Variants in GALNT13 observed in about 807,000 individuals in gnomAD.
GALNT13 encodes the protein UDP-GalNAc:polypeptide N-acetylgalactosaminyltransferase 13.
In GALNT13, 28 loss-of-function variants were observed where a neutral mutation model predicts 64.2. The observed-to-expected ratio is 0.44, with a 90% CI of 0.32 to 0.60. The LOEUF is 0.60. Ranked by LOEUF, GALNT13 falls within the 20% of genes least tolerant of loss-of-function variation. The pLI is 0.05. For synonymous variants in GALNT13, 214 were observed against 224.6 expected (o/e 0.95, Z 0.42); for missense variants, 577 against 669.8 (o/e 0.86, Z 1.53).
chr2:153,630,290 C>T, the GALNT13 span, among the ~76,000 whole-genome samples: 1 of 151,934 alleles, frequency 6.6e-6, no homozygotes, highest in Non-Finnish European at 1.5e-5. Flanking sequence ...AAATGTGGCA[C>T]ATATACACCA....
chr2:153,138,333 A>G, the GALNT13 span, among the ~76,000 whole-genome samples: 1 of 152,098 alleles, frequency 6.6e-6, no homozygotes, highest in African/African-American at 2.4e-5. Flanking sequence ...TTCACTTTAT[A>G]CCTCCGAGTT....
intron 4 of GALNT13, among the ~76,000 whole-genome samples, chr2:154,208,648 G>GTT (rs1478140368): frequency 4.5e-4 from 64 of 142,082 alleles, no homozygotes; most frequent in African/African-American, 1.5e-3. Context: ...GTGTGTGTGT[G>GTT]TGTGTGTGTG....
the GALNT13 span, among the ~76,000 whole-genome samples, chr2:153,717,897 G>A: frequency 9.7e-4 from 148 of 152,028 alleles, no homozygotes; most frequent in African/African-American, 3.3e-3. Flanking sequence ...AATTATTTAC[G>A]CTAAATTTAC....
chr2:154,090,400 A>T (rs1014765803), intron 3 of GALNT13, among the ~76,000 whole-genome samples: 3 of 152,066 alleles, frequency 2.0e-5, no homozygotes, highest in Non-Finnish European at 4.4e-5. Flanking sequence ...ATAGATTTTA[A>T]ACATTGTTCT....
At chr2:153,590,730 T>A in the GALNT13 span, among the ~76,000 whole-genome samples, 4 of 152,172 alleles carry the variant, frequency 2.6e-5, no homozygotes, top group Admixed American at 2.6e-4. Context: ...CATGTAATCA[T>A]CTCAATAGAA....
At chr2:153,485,916 A>G in the GALNT13 span, among the ~76,000 whole-genome samples, 1 of 152,154 alleles carries the variant, frequency 6.6e-6, no homozygotes, top group South Asian at 2.1e-4. Context: ...CAAACAAAAA[A>G]GAAAATAAAT....
At position 154,453,186 on chromosome 2, in the gene GALNT13, A is replaced by G. The variant is rs1001181787; in HGVS notation, c.*2635A>G. On this transcript the variant is annotated 3_prime_UTR_variant, in exon 13 of 13. Transcript: ENST00000392825. The stretch of plus-strand genomic sequence containing the variant: ...AATTTCCCAGTCCTTGTCTTGAACA[A>G]TCTTTTCTCAGTACAACAGCCATAG... 11 of 152,116 alleles carry G rather than the reference A, an allele frequency of 7.2e-5. No individual in the cohort carries two copies. Among genetic ancestry groups the G allele is most frequent in the African/African-American group, 2.7e-4 (11 of 41,424 alleles). The allele number at this position is 152,116 out of a possible 1,614,324, so 9.4% of individuals were successfully genotyped here.
the GALNT13 span, among the ~76,000 whole-genome samples, chr2:153,856,615 A>G: frequency 6.6e-6 from 1 of 152,184 alleles, no homozygotes; most frequent in South Asian, 2.1e-4. Context: ...CTGAAAAGAC[A>G]AAATTTCTTG....
chr2:153,820,617 G>A, the GALNT13 span, among the ~76,000 whole-genome samples: 1 of 152,116 alleles, frequency 6.6e-6, no homozygotes. Flanking sequence ...GCCAAAGTAA[G>A]CTTCTTAAGT....
the GALNT13 span, among the ~76,000 whole-genome samples, chr2:153,183,596 G>T: frequency 6.6e-6 from 1 of 152,242 alleles, no homozygotes; most frequent in South Asian, 2.1e-4. Context: ...GCTTTTTATA[G>T]TTTTGGGTTT....
chr2:153,842,277 C>G, the GALNT13 span, among the ~76,000 whole-genome samples: 1 of 152,106 alleles, frequency 6.6e-6, no homozygotes, highest in Non-Finnish European at 1.5e-5. Flanking sequence ...ACTACTGTCA[C>G]TCAGAGTTGA....
intron 11 of GALNT13, among the ~76,000 whole-genome samples, chr2:154,414,678 AT>A (rs1176151913): frequency 2.0e-5 from 3 of 151,940 alleles, no homozygotes; most frequent in African/African-American, 7.3e-5. Flanking sequence ...TTATGTTTCC[AT>A]TGGGGGTTGA....
At chr2:153,900,385 T>A (rs1239185390) in intron 1 of GALNT13, among the ~76,000 whole-genome samples, 1 of 152,166 alleles carries the variant, frequency 6.6e-6, no homozygotes, top group African/African-American at 2.4e-5. Flanking sequence ...TTTGTGTATT[T>A]TTGTGGGGTA....
intron 6 of GALNT13, 78 bp downstream of exon 6, chr2:154,242,983 T>C (rs1246317168): frequency 2.6e-6 from 3 of 1,171,294 alleles, no homozygotes; most frequent in Non-Finnish European, 1.2e-6. Context: ...TCAGAATTTC[T>C]CTTCCAAGTT....
the GALNT13 span, among the ~76,000 whole-genome samples, chr2:153,352,797 G>A: frequency 1.2e-4 from 19 of 152,082 alleles, no homozygotes; most frequent in African/African-American, 4.6e-4. Context: ...TCTTTATTCT[G>A]TTCCATTGAT....
the GALNT13 span, among the ~76,000 whole-genome samples, chr2:153,453,258 A>C: frequency 3.3e-5 from 5 of 152,292 alleles, no homozygotes; most frequent in Admixed American, 6.5e-5. Flanking sequence ...CAAAAACAAA[A>C]ATTGACAAGT....
rs535071712 is a variant in GALNT13 at position 154,249,254 on chromosome 2, A to C, written c.857+3272A>C. Among the ~76,000 whole-genome samples the C allele has an allele frequency of 2.6e-5, 4 of 152,338 alleles. No individual in the cohort carries two copies. The East Asian group carries it at 5.8e-4, about 22-fold the overall frequency. ...TATTTGTATTCCATGCATACAAACT[A>C]TTGGGCGCTGTGCTAAGTTCTGCAC... On this transcript the variant is annotated intron_variant, in intron 7 of 12. Coordinates refer to ENST00000392825, the MANE Select transcript of GALNT13 (RefSeq NM_052917.4).
the GALNT13 span, among the ~76,000 whole-genome samples, chr2:153,324,460 T>C: frequency 6.6e-6 from 1 of 152,330 alleles, no homozygotes; most frequent in South Asian, 2.1e-4. Context: ...TTTGATTTCC[T>C]CTCTTCCTTG....
chr2:153,683,689 C>T, the GALNT13 span, among the ~76,000 whole-genome samples: 2 of 151,586 alleles, frequency 1.3e-5, 1 homozygote, highest in Middle Eastern at 6.3e-3. Context: ...TCAAATTGTT[C>T]TGAGTCCCAA....
Sources: gnomAD v4.1 joint callset for allele counts (sites outside exome capture counted in the v4.1 genomes callset) on GRCh38, gnomAD v4.1.1 for gene constraint, MANE v1.5 for transcripts, NCBI Gene and HGNC (gene_info 2026-07-23, HGNC 2026-07-21) for gene names.